Variants in C4orf50 observed in about 807,000 individuals in gnomAD.
C4orf50 encodes chromosome 4 open reading frame 50, also known as uncharacterized protein C4orf50.
A neutral mutation model predicts 77.2 loss-of-function variants in C4orf50; 80 were observed. That is an observed-to-expected ratio of 1.04 (90% CI 0.87 to 1.25). C4orf50 has a LOEUF of 1.25. Ranked by LOEUF, C4orf50 falls within the 50% of genes most tolerant of loss-of-function variation. C4orf50 has a pLI of 0.00. For synonymous variants in C4orf50, 532 were observed against 465.3 expected, an observed-to-expected ratio of 1.14 and a Z score of -1.84; for missense variants, 1,257 against 1,152.9, an observed-to-expected ratio of 1.09 and a Z score of -1.31.
At chr4:5,945,872 C>T (rs1322296609) in intron 7 of C4orf50, among the ~76,000 whole-genome samples, 6 of 152,192 alleles carry the variant, frequency 3.9e-5, no homozygotes, top group Non-Finnish European at 8.8e-5. Flanking sequence ...GCCCCAGTTT[C>T]ATCCATTCTC....
chr4:5,912,794 G>A (rs1182949848), intron 7 of C4orf50, among the ~76,000 whole-genome samples: 2 of 152,198 alleles, frequency 1.3e-5, no homozygotes, highest in African/African-American at 2.4e-5. Flanking sequence ...GCCTGAGCAT[G>A]CCCAGTACTG....
intron 7 of C4orf50, among the ~76,000 whole-genome samples, chr4:5,945,594 T>C (rs1242287608): frequency 2.0e-5 from 3 of 152,116 alleles, no homozygotes; most frequent in Non-Finnish European, 2.9e-5. Flanking sequence ...TCCAAGGCCT[T>C]CACCTTGGAG....
At chr4:5,953,521 T>C (rs1246262607), downstream of C4orf50, among the ~76,000 whole-genome samples, 1 of 152,006 alleles carries the variant, frequency 6.6e-6, no homozygotes, top group African/African-American at 2.4e-5. Context: ...GACTATTTGG[T>C]GATAAAAGGT....
At chr4:5,928,662 T>C (rs77320390) in intron 7 of C4orf50, among the ~76,000 whole-genome samples, 2,100 of 152,270 alleles carry the variant, frequency 0.014, 35 homozygotes, top group African/African-American at 0.046. Flanking sequence ...CAGAAGGCAT[T>C]CTACTGCAGA....
downstream of C4orf50, among the ~76,000 whole-genome samples, chr4:5,952,954 A>G (rs1199210031): frequency 6.6e-6 from 1 of 152,238 alleles, no homozygotes; most frequent in Non-Finnish European, 1.5e-5. This position sits in a 1 kb window ranked among gnomAD's most constrained non-coding sequence, Gnocchi z 4.4. Flanking sequence ...AAGACATTCA[A>G]GGGACAGCCG....
intron 24 of C4orf50, among the ~76,000 whole-genome samples, chr4:6,010,734 C>CAG (rs1431058096): frequency 3.9e-5 from 6 of 152,220 alleles, no homozygotes; most frequent in South Asian, 2.1e-4. Context: ...GTGGTGCATG[C>CAG]AGCTACCGTG....
At chr4:5,995,246 C>T (rs542782946) in intron 25 of C4orf50, among the ~76,000 whole-genome samples, 1 of 152,218 alleles carries the variant, frequency 6.6e-6, no homozygotes, top group South Asian at 2.1e-4. Context: ...TGCAGAGGTT[C>T]TTTCCATGTC....
intron 33 of C4orf50, among the ~76,000 whole-genome samples, chr4:5,961,800 T>C (rs1719293340): frequency 6.6e-6 from 1 of 151,602 alleles, no homozygotes; most frequent in Admixed American, 6.5e-5. Flanking sequence ...CATGTCTGTA[T>C]ACTCTAAAGC....
chr4:5,930,857 G>T (rs986054049), intron 7 of C4orf50, among the ~76,000 whole-genome samples: 1 of 152,216 alleles, frequency 6.6e-6, no homozygotes, highest in Non-Finnish European at 1.5e-5. Context: ...GGCCTGGCAG[G>T]TACTCCTCAA....
At chr4:5,975,571 A>C (rs1720227123) in intron 30 of C4orf50, among the ~76,000 whole-genome samples, 1 of 152,028 alleles carries the variant, frequency 6.6e-6, no homozygotes, top group Non-Finnish European at 1.5e-5. Flanking sequence ...GAGAGCAGTG[A>C]CGTGATCTCG....
chr4:5,982,903 T>A (rs1720670790), intron 28 of C4orf50, among the ~76,000 whole-genome samples: 4 of 151,998 alleles, frequency 2.6e-5, no homozygotes, highest in Admixed American at 2.6e-4. Context: ...GGTGGCAGCA[T>A]GGAGTGTGGA....
At chr4:5,952,716 G>A (rs547741355), downstream of C4orf50, among the ~76,000 whole-genome samples, 2 of 152,288 alleles carry the variant, frequency 1.3e-5, no homozygotes, top group South Asian at 4.2e-4. This position sits in a 1 kb window ranked among gnomAD's most constrained non-coding sequence, Gnocchi z 4.4. Context: ...GTTCTTTTCT[G>A]GATGTCTCTA....
chr4:5,898,817 C>G (rs937150573), intron 7 of C4orf50: 3 of 152,174 alleles, frequency 2.0e-5, no homozygotes, highest in African/African-American at 4.8e-5. Flanking sequence ...TTGGACACAG[C>G]CTGCTGGTGT....
At position 5,932,512 on chromosome 4, in the gene C4orf50, T is replaced by G. The variant is rs2108745730; in HGVS notation, c.*2474+24389A>C. 6.6e-6 allele frequency among the ~76,000 whole-genome samples: 1 copy of G among 152,354 alleles called. No homozygotes were observed. Among genetic ancestry groups the G allele is most frequent in the East Asian group, 1.9e-4 (1 of 5,180 alleles). ...GTGCCGTGGCTCCATCACAGTTCAC[T>G]GCAGCCTCGACCTCCCAGGCTCAAT... On this transcript the variant is annotated intron_variant, in intron 7 of 7. Coordinates refer to the C4orf50 transcript ENST00000324058. The surrounding 1 kb of genome is among the most constrained non-coding windows in gnomAD (Gnocchi z 4.2).
At chr4:5,956,946 G>A (rs1297244140), downstream of C4orf50, 1 of 152,334 alleles carries the variant, frequency 6.6e-6, no homozygotes, top group Non-Finnish European at 1.5e-5. Context: ...CATCTGATGG[G>A]TGGCAAGGAG....
At chr4:5,910,267 C>A (rs1440308976) in intron 7 of C4orf50, among the ~76,000 whole-genome samples, 7 of 152,128 alleles carry the variant, frequency 4.6e-5, no homozygotes, top group African/African-American at 1.7e-4. Context: ...ACAGGTTAAA[C>A]CTAGTTCAAC....
chr4:5,969,450 G>A (rs1052881554), intron 31 of C4orf50, among the ~76,000 whole-genome samples: 5 of 134,492 alleles, frequency 3.7e-5, no homozygotes, highest in African/African-American at 1.6e-4. Flanking sequence ...AAAGCAGGAG[G>A]TGGCAGGAGG....
downstream of C4orf50, among the ~76,000 whole-genome samples, chr4:5,953,984 T>C (rs1452394280): frequency 3.3e-5 from 5 of 152,166 alleles, no homozygotes; most frequent in Non-Finnish European, 7.4e-5. Flanking sequence ...CCAAGTGCCT[T>C]GCTTAGGACA....
rs1206348916 is a variant in C4orf50, at chr4:5,970,561, T to G, written c.4104+3098A>C. 2.6e-5 allele frequency among the ~76,000 whole-genome samples: 4 copies of G among 152,074 alleles called. No homozygotes were observed. Among genetic ancestry groups the G allele is most frequent in the Non-Finnish European group, 5.9e-5 (4 of 68,000 alleles). ...GCACAGACAGCGGTGCTGGGACCCGTGGCCCCCAGCCCAACACCACATGCC... is the reference window on the plus strand; with the variant it reads ...GCACAGACAGCGGTGCTGGGACCCGGGGCCCCCAGCCCAACACCACATGCC... On this transcript the variant is annotated intron_variant, in intron 31 of 33. Coordinates refer to ENST00000531445, the Ensembl canonical transcript of C4orf50. This position sits in a 1 kb window ranked among gnomAD's most constrained non-coding sequence, Gnocchi z 4.3.
Sources: gnomAD v4.1 joint callset for allele counts (sites outside exome capture counted in the v4.1 genomes callset) on GRCh38, gnomAD v4.1.1 for gene constraint, Gnocchi (gnomAD v3.1) non-coding constraint, MANE v1.5 for transcripts, NCBI Gene and HGNC (gene_info 2026-07-23, HGNC 2026-07-21) for gene names.